The following ACSBG1 variants were observed in gnomAD, a reference collection of about 807,000 sequenced individuals.
ACSBG1 encodes long-chain-fatty-acid--CoA ligase ACSBG1.
In ACSBG1, 39 loss-of-function variants were observed where a neutral mutation model predicts 80.2. That is an observed-to-expected ratio of 0.49 (90% CI 0.38 to 0.64). The LOEUF (loss-of-function observed/expected upper bound fraction) is 0.64. Ranked by LOEUF, ACSBG1 falls within the 30% of genes least tolerant of loss-of-function variation. The pLI is 0.00. For synonymous variants in ACSBG1, 392 were observed against 379.5 expected, an observed-to-expected ratio of 1.03 and a Z score of -0.38; for missense variants, 828 against 966.4, an observed-to-expected ratio of 0.86 and a Z score of 1.90.
intron 1 of ACSBG1, among the ~76,000 whole-genome samples, chr15:78,226,784 A>AT (rs1567101464): frequency 7.5e-5 from 9 of 119,680 alleles, no homozygotes; most frequent in African/African-American, 2.7e-4. Context: ...ACACATAGAA[A>AT]AATATATATA....
At chr15:78,184,991 T>C (rs1239344584) in intron 5 of ACSBG1, among the ~76,000 whole-genome samples, 1 of 147,184 alleles carries the variant, frequency 6.8e-6, no homozygotes, top group Non-Finnish European at 1.5e-5. Flanking sequence ...TTTTGAGCTA[T>C]GGGAGAGACA....
At chr15:78,213,263 C>T (rs925609178) in intron 1 of ACSBG1, among the ~76,000 whole-genome samples, 2 of 152,222 alleles carry the variant, frequency 1.3e-5, no homozygotes, top group African/African-American at 4.8e-5. Flanking sequence ...CATCACCCTG[C>T]GTGGCGGACC....
chr15:78,194,297 A>C (rs570691018), intron 3 of ACSBG1, among the ~76,000 whole-genome samples: 86 of 152,380 alleles, frequency 5.6e-4, no homozygotes, highest in Non-Finnish European at 1.1e-3. Context: ...AGTGAGTAAC[A>C]AGTGCTTGGC....
intron 2 of ACSBG1, among the ~76,000 whole-genome samples, chr15:78,204,184 C>T (rs1214806418): frequency 6.6e-6 from 1 of 152,228 alleles, no homozygotes; most frequent in Admixed American, 6.5e-5. Context: ...CTCAGTTTCC[C>T]CATCTGAATT....
intron 5 of ACSBG1, among the ~76,000 whole-genome samples, chr15:78,189,769 A>T (rs934121148): frequency 6.6e-6 from 1 of 152,040 alleles, no homozygotes; most frequent in African/African-American, 2.4e-5. Flanking sequence ...ACATGTATAC[A>T]TATGTAACTA....
intron 1 of ACSBG1, among the ~76,000 whole-genome samples, chr15:78,223,418 C>T (rs758839990): frequency 3.9e-5 from 6 of 152,158 alleles, no homozygotes; most frequent in Non-Finnish European, 7.3e-5. Context: ...ACATCCTGCA[C>T]ATGTACCACA....
intron 2 of ACSBG1, among the ~76,000 whole-genome samples, chr15:78,203,384 G>A (rs2075185664): frequency 6.6e-6 from 1 of 152,260 alleles, no homozygotes; most frequent in Non-Finnish European, 1.5e-5. Flanking sequence ...ACAGCGCAGT[G>A]GAGAACCCAG....
chr15:78,233,037 G>C (rs942255228), intron 1 of ACSBG1, among the ~76,000 whole-genome samples: 1 of 152,200 alleles, frequency 6.6e-6, no homozygotes, highest in Non-Finnish European at 1.5e-5. Flanking sequence ...CCTGCTCTCT[G>C]AGCCCACAGA....
At chr15:78,205,249 C>T (rs2075202694) in intron 2 of ACSBG1, among the ~76,000 whole-genome samples, 1 of 151,390 alleles carries the variant, frequency 6.6e-6, no homozygotes, top group African/African-American at 2.4e-5. Context: ...CGCACAGCTG[C>T]TTCCTGGGAG....
At chr15:78,230,429 A>AG (rs1010985653) in intron 1 of ACSBG1, among the ~76,000 whole-genome samples, 2 of 152,194 alleles carry the variant, frequency 1.3e-5, no homozygotes, top group Non-Finnish European at 2.9e-5. Context: ...AACACTGGGA[A>AG]GCAGGGGGAA....
chr15:78,182,168 C>T (rs1435993170), intron 7 of ACSBG1, 23 bp from the exon 8 acceptor site: 2 of 1,600,202 alleles, frequency 1.2e-6, no homozygotes, highest in Non-Finnish European at 1.7e-6. Context: ...TAGATGGATC[C>T]CAGCAGTGTC....
chr15:78,221,641 G>T (rs1204855679), intron 1 of ACSBG1, among the ~76,000 whole-genome samples: 1 of 152,074 alleles, frequency 6.6e-6, no homozygotes, highest in East Asian at 1.9e-4. Context: ...CTGGGGGACA[G>T]TTAGGTCTTT....
intron 1 of ACSBG1, among the ~76,000 whole-genome samples, chr15:78,214,965 G>A (rs1311162939): frequency 6.6e-6 from 1 of 152,148 alleles, no homozygotes; most frequent in Non-Finnish European, 1.5e-5. Context: ...CACCCTAACA[G>A]TTTGACTCGA....
chr15:78,193,372 TG>T (rs1415786392), intron 5 of ACSBG1, 133 bp downstream of exon 5: 1 of 1,296,528 alleles, frequency 7.7e-7, no homozygotes, highest in African/African-American at 1.5e-5. Context: ...TTGCTTGCTG[TG>T]TATGCATTAG....
intron 11 of ACSBG1, among the ~76,000 whole-genome samples, chr15:78,175,012 G>A (rs569534052): frequency 6.6e-6 from 1 of 152,364 alleles, no homozygotes; most frequent in African/African-American, 2.4e-5. Context: ...GAGACGTTCA[G>A]TAACTTGTCC....
intron 5 of ACSBG1, 71 bp from the exon 6 acceptor site, chr15:78,182,856 C>T (rs2074963146): frequency 5.8e-6 from 9 of 1,552,820 alleles, no homozygotes; most frequent in Non-Finnish European, 7.9e-6. Context: ...ACCCCATCTC[C>T]CTGTGTGAGT....
rs760412547 is a variant in ACSBG1, at chr15:78,182,763, A to T, written c.686T>A (p.Leu229Gln). Residue 229 changes from leucine (L) to glutamine (Q), a missense_variant, in exon 6 of 14, where the codon CTA (leucine) becomes CAA (glutamine). Leu to Gln is a moderately radical substitution (Grantham distance 113, BLOSUM62 -2). Coordinates refer to ENST00000258873, the MANE Select transcript of ACSBG1 (RefSeq NM_015162.5). ...ILKIWKQLPH[L>Q]KAVVIYKEPP... ...TTCTTTATATATCACGACTGCCTTTAGATGTGGCAACTGTTTCCAGATCTG... is the reference window on the plus strand; with the variant it reads ...TTCTTTATATATCACGACTGCCTTTTGATGTGGCAACTGTTTCCAGATCTG... The T allele has an allele frequency of 6.2e-7, 1 of 1,614,220 alleles. No homozygotes were observed. Among genetic ancestry groups the T allele is most frequent in the Non-Finnish European group, 8.5e-7 (1 of 1,180,034 alleles).
At chr15:78,175,743 G>T (rs529949742) in intron 11 of ACSBG1, among the ~76,000 whole-genome samples, 2 of 152,238 alleles carry the variant, frequency 1.3e-5, no homozygotes, top group South Asian at 4.1e-4. Flanking sequence ...GGTTATTCAG[G>T]GACAGGCTGG....
intron 1 of ACSBG1, among the ~76,000 whole-genome samples, 154 bp from the exon 2 acceptor site, chr15:78,208,256 C>A (rs1276953007): frequency 6.6e-6 from 1 of 152,158 alleles, no homozygotes; most frequent in Non-Finnish European, 1.5e-5. Flanking sequence ...CAGAGGAGAA[C>A]CCAGTGGGAG....
Sources: gnomAD v4.1 joint callset for allele counts (sites outside exome capture counted in the v4.1 genomes callset) on GRCh38, gnomAD v4.1.1 for gene constraint, MANE v1.5 for transcripts, NCBI Gene and HGNC (gene_info 2026-07-23, HGNC 2026-07-21) for gene names.